Variants in CCDC191 observed in about 807,000 individuals in gnomAD.
CCDC191 encodes the protein coiled-coil domain containing 191, also known as coiled-coil domain-containing protein 191.
A neutral mutation model predicts 114.0 loss-of-function variants in CCDC191; 99 were observed. The observed-to-expected ratio is 0.87, with a 90% CI of 0.74 to 1.03. CCDC191 has a LOEUF of 1.03. CCDC191 is among the 50% of genes least tolerant of loss of function. The probability of loss-of-function intolerance (pLI) is 0.00; values close to 1 mark genes in which losing one functional copy is unlikely to be tolerated. For missense variants in CCDC191, 973 were observed against 1,087.0 expected (o/e 0.90, Z 1.47); for synonymous variants, 351 against 376.0 (o/e 0.93, Z 0.77).
chr3:114,004,355 T>C, intron 11 of CCDC191: 2 of 1,015,978 alleles, frequency 2.0e-6, no homozygotes, highest in Non-Finnish European at 2.4e-6. Flanking sequence ...TTTTTCACAA[T>C]CCAAATCTCA....
chr3:114,004,074 G>A (rs2075901911), intron 11 of CCDC191: 3 of 947,860 alleles, frequency 3.2e-6, no homozygotes, highest in East Asian at 1.2e-4. Flanking sequence ...TTTGAGACCA[G>A]CCTGGGCAAC....
intron 7 of CCDC191, among the ~76,000 whole-genome samples, chr3:114,019,204 AC>A (rs1257110381): frequency 6.6e-6 from 1 of 152,154 alleles, no homozygotes; most frequent in South Asian, 2.1e-4. Context: ...CTTGTTTCCA[AC>A]ATGACTCCCC....
chr3:114,032,073 TGA>T (rs1178929327), intron 6 of CCDC191, among the ~76,000 whole-genome samples: 2 of 152,178 alleles, frequency 1.3e-5, no homozygotes, highest in East Asian at 1.9e-4. Flanking sequence ...GATCAAAATT[TGA>T]GAGTTAACAA....
At chr3:114,050,481 T>C (rs1241297989) in intron 2 of CCDC191, among the ~76,000 whole-genome samples, 1 of 152,170 alleles carries the variant, frequency 6.6e-6, no homozygotes, top group Non-Finnish European at 1.5e-5. Context: ...GAAAGAGTAG[T>C]ACAAGATGGG....
chr3:114,022,844 G>A lies in CCDC191; in HGVS notation c.973-3976C>T, dbSNP rs570292148. ...ATGGGGATCCTTTCAACATAGTGTTGGAAGTTCTGGCCAGGGCAATCAGGC... is the reference window on the plus strand; with the variant it reads ...ATGGGGATCCTTTCAACATAGTGTTAGAAGTTCTGGCCAGGGCAATCAGGC... On this transcript the variant is annotated intron_variant, in intron 7 of 16. Coordinates refer to ENST00000295878, the MANE Select transcript of CCDC191 (RefSeq NM_020817.2). Among the ~76,000 whole-genome samples the A allele has an allele frequency of 7.2e-5, 11 of 152,220 alleles. No individual in the cohort carries two copies. The South Asian group carries it at 2.3e-3, about 32-fold the overall frequency.
chr3:114,028,352 C>A, intron 7 of CCDC191, among the ~76,000 whole-genome samples: 1 of 142,304 alleles, frequency 7.0e-6, no homozygotes, highest in Admixed American at 7.6e-5. Context: ...GCGGCATGAT[C>A]TCGGCTCACT....
At chr3:114,024,900 G>A (rs1450825746) in intron 7 of CCDC191, among the ~76,000 whole-genome samples, 1 of 152,176 alleles carries the variant, frequency 6.6e-6, no homozygotes, top group Non-Finnish European at 1.5e-5. Context: ...CCAGTAGGAA[G>A]TGCAGTATTG....
chr3:114,010,663 T>A, intron 9 of CCDC191, 109 bp downstream of exon 9: 1 of 1,054,134 alleles, frequency 9.5e-7, no homozygotes, highest in South Asian at 1.7e-5. Flanking sequence ...TTGAGGCAGC[T>A]CTAATCTTCT....
chr3:114,055,716 G>T (rs2076764322), intron 1 of CCDC191, among the ~76,000 whole-genome samples: 1 of 152,200 alleles, frequency 6.6e-6, no homozygotes, highest in Admixed American at 6.5e-5. Flanking sequence ...AGCACACGGT[G>T]CAACTGTGAC....
At position 114,035,040 on chromosome 3, in the gene CCDC191, T is replaced by A. The variant is rs1183084919; in HGVS notation, c.703A>T (p.Lys235Ter). 6.2e-7 allele frequency: 1 copy of A among 1,613,972 alleles called. No individual in the cohort carries two copies. The highest frequency in any genetic ancestry group is 1.3e-5 in the African/African-American group (1 of 74,896). ...LEAQCLVQEEKKRKALEAKKE... is the reference protein window; with the variant it reads ...LEAQCLVQEE ...TTGGCCTCCAGAGCCTTCCTTTTCTTCTCTTCTTGCACCAGACACTGAGCC... is the reference window on the plus strand; with the variant it reads ...TTGGCCTCCAGAGCCTTCCTTTTCTACTCTTCTTGCACCAGACACTGAGCC... The change falls in exon 6 of 17, where the codon AAG becomes TAG. Residue 235 changes from lysine (K) to a stop codon, truncating the protein, a stop_gained. Transcript: ENST00000295878. LOFTEE classifies it high-confidence loss of function.
rs545650771 is a variant in CCDC191 at position 113,988,916 on chromosome 3, C to T, written c.2164-8123G>A. On this transcript the variant is annotated intron_variant, in intron 13 of 16. Coordinates refer to ENST00000295878, the MANE Select transcript of CCDC191 (RefSeq NM_020817.2). Reference sequence around the variant, plus strand: ...TCATGCCATTCTCCTGTCTCAGCCTCCCAAGTAGCTGGGACTACAGGTGCC... The same window carrying T: ...TCATGCCATTCTCCTGTCTCAGCCTTCCAAGTAGCTGGGACTACAGGTGCC... Among the ~76,000 whole-genome samples, 115 of 152,128 alleles carry T rather than the reference C, an allele frequency of 7.6e-4. 1 individual carries two copies. Among genetic ancestry groups the T allele is most frequent in the African/African-American group, 2.7e-3 (110 of 41,502 alleles).
intron 7 of CCDC191, among the ~76,000 whole-genome samples, chr3:114,027,745 C>T (rs2076345344): frequency 1.3e-5 from 2 of 152,024 alleles, no homozygotes; most frequent in Non-Finnish European, 2.9e-5. Context: ...GCTGTTTCTA[C>T]AGGGTTTGTA....
rs548444195 is a variant in CCDC191, at chr3:114,001,016, C to T, written c.2163+579G>A. Among the ~76,000 whole-genome samples the T allele has an allele frequency of 7.9e-5, 12 of 152,190 alleles. No homozygotes were observed. In the South Asian group the frequency reaches 2.5e-3, roughly 32 times the overall value. ...AAATACTCTACTACAGTGTCTCTGA[C>T]ACGTTTGTATTTTTAGGCCTTATCT... On this transcript the variant is annotated intron_variant, in intron 13 of 16. Coordinates refer to ENST00000295878, the MANE Select transcript of CCDC191 (RefSeq NM_020817.2).
chr3:114,021,781 A>G (rs2107705586), intron 7 of CCDC191, among the ~76,000 whole-genome samples: 1 of 152,252 alleles, frequency 6.6e-6, no homozygotes, highest in East Asian at 1.9e-4. Context: ...TTTTTAAAAC[A>G]AGATGTATGA....
chr3:113,968,800 G>A (rs1433788943), intron 16 of CCDC191, among the ~76,000 whole-genome samples: 1 of 151,824 alleles, frequency 6.6e-6, no homozygotes, highest in East Asian at 1.9e-4. Context: ...TATTGTTTGA[G>A]TTCCTTACAT....
rs1245862435 is a variant in CCDC191 at position 114,006,607 on chromosome 3, T to A, written c.1414-645A>T. Among the ~76,000 whole-genome samples, 33 of 133,314 alleles carry A rather than the reference T, an allele frequency of 2.5e-4. 2 individuals carry two copies. Among genetic ancestry groups the A allele is most frequent in the African/African-American group, 9.3e-4 (31 of 33,512 alleles). 87.5% of individuals were successfully genotyped at this position (133,314 alleles called of 152,430 possible). On this transcript the variant is annotated intron_variant, in intron 9 of 16. Transcript: ENST00000295878. ...CTCCAGATATATATATATATATATA[T>A]ATATATATATAAATATATATATTTT...
intron 8 of CCDC191, among the ~76,000 whole-genome samples, chr3:114,014,945 G>A (rs1049175715): frequency 1.3e-5 from 2 of 151,954 alleles, no homozygotes; most frequent in African/African-American, 4.8e-5. Flanking sequence ...CCAGGACTTA[G>A]GAGAGGATCT....
At chr3:113,996,269 CTTGAG>C (rs2075719475) in intron 13 of CCDC191, among the ~76,000 whole-genome samples, 1 of 152,068 alleles carries the variant, frequency 6.6e-6, no homozygotes, top group African/African-American at 2.4e-5. Context: ...TTTAATCCAT[CTTGAG>C]TTAATTTTTG....
At chr3:114,024,829 A>C (rs2076297030) in intron 7 of CCDC191, among the ~76,000 whole-genome samples, 1 of 152,236 alleles carries the variant, frequency 6.6e-6, no homozygotes, top group African/African-American at 2.4e-5. Flanking sequence ...GTGCACATGT[A>C]CCCTAAAACT....
Sources: allele counts gnomAD v4.1 joint callset (sites outside exome capture counted in the v4.1 genomes callset), GRCh38; gene constraint gnomAD v4.1.1; transcripts MANE v1.5; gene names NCBI Gene and HGNC (gene_info 2026-07-23, HGNC 2026-07-21).